The following CILK1 variants were observed in gnomAD, a reference collection of about 807,000 sequenced individuals.
CILK1 encodes serine/threonine-protein kinase ICK.
CILK1 carries 47 observed loss-of-function variants against 79.2 expected under a neutral mutation model. The ratio of observed to expected loss-of-function variants is 0.59; its 90% confidence interval spans 0.47 to 0.76. The LOEUF (loss-of-function observed/expected upper bound fraction) is 0.76. Among genes scored for constraint, CILK1 ranks in the 30% least tolerant of loss-of-function variants. The pLI, the probability that CILK1 is intolerant of heterozygous loss-of-function variation, is 0.00. For synonymous variants in CILK1, 266 were observed against 275.9 expected, an observed-to-expected ratio of 0.96 and a Z score of 0.36; for missense variants, 660 against 769.5, an observed-to-expected ratio of 0.86 and a Z score of 1.68.
rs1036299572 is a variant in CILK1 at position 53,003,887 on chromosome 6, A to G, written c.*1262T>C. 4 of 152,636 alleles carry G rather than the reference A, an allele frequency of 2.6e-5. No homozygotes were observed. The highest frequency in any genetic ancestry group is 6.5e-5 in the Admixed American group (1 of 15,288). 9.5% of individuals were successfully genotyped at this position (152,636 alleles called of 1,614,324 possible). A position where few individuals can be genotyped will look rare whatever the true frequency, so the allele number is the denominator to read the frequency against. The stretch of plus-strand genomic sequence containing the variant: ...CTTCCCTCTTGCCTTTAAGGCAACC[A>G]TAAGTGAGGCAAATGTACCATATAG... On this transcript the variant is annotated 3_prime_UTR_variant, in exon 14 of 14. Coordinates refer to ENST00000676107, the MANE Select transcript of CILK1 (RefSeq NM_014920.5).
intron 1 of CILK1, among the ~76,000 whole-genome samples, chr6:53,055,837 AG>A (rs1445059975): frequency 3.3e-5 from 5 of 152,244 alleles, no homozygotes; most frequent in Non-Finnish European, 7.3e-5. Context: ...TGGACTGTAA[AG>A]AACTGAAGTA....
intron 5 of CILK1, among the ~76,000 whole-genome samples, chr6:53,027,506 A>AC (rs1379020855): frequency 6.6e-6 from 1 of 152,074 alleles, no homozygotes; most frequent in Non-Finnish European, 1.5e-5. Flanking sequence ...AGAGAAGTCT[A>AC]CCCCCCAGAG....
intron 5 of CILK1, among the ~76,000 whole-genome samples, chr6:53,028,288 C>T (rs911546000): frequency 2.0e-5 from 3 of 152,186 alleles, no homozygotes; most frequent in African/African-American, 7.2e-5. Flanking sequence ...TGCACTCCAG[C>T]CTGGGTGACA....
intron 3 of CILK1, among the ~76,000 whole-genome samples, chr6:53,033,907 G>A (rs1397862020): frequency 6.6e-6 from 1 of 152,188 alleles, no homozygotes; most frequent in African/African-American, 2.4e-5. Context: ...AATAGTTCCT[G>A]CCAACATACT....
rs1765019494 is a variant in CILK1, at chr6:53,018,416, C to A, written c.577G>T (p.Val193Phe). 6.2e-7 allele frequency: 1 copy of A among 1,614,110 alleles called. No homozygotes were observed. Among genetic ancestry groups the A allele is most frequent in the African/African-American group, 1.3e-5 (1 of 74,992 alleles). The change falls in exon 7 of 14, where the codon GTT becomes TTT. Residue 193 changes from valine to phenylalanine, a missense_variant. By Grantham distance (50) the Val-to-Phe change is conservative. Coordinates refer to ENST00000676107, the MANE Select transcript of CILK1 (RefSeq NM_014920.5). ...VWAVGCIMAE[V>F]YTLRPLFPGA... ...GGGAAGAGTGGCCTGAGGGTGTAAA[C>A]TTCTGCCATGATGCAGCCCACCGCC...
rs913348228 is a variant in CILK1 at position 53,018,377 on chromosome 6, T to G, written c.616A>C (p.Ile206Leu). Residue 206 changes from isoleucine to leucine, a missense_variant, in exon 7 of 14, where the codon ATT (isoleucine) becomes CTT (leucine). Physicochemically the swap from Ile to Leu is conservative, Grantham distance 5 (BLOSUM62 2). Coordinates refer to ENST00000676107, the MANE Select transcript of CILK1 (RefSeq NM_014920.5). ...TGGCAAATTTTGAATATTGTGTCAA[T>G]TTCACTGGCTCCAGGGAAGAGTGGC... ...LRPLFPGASE[I>L]DTIFKICQVL... is the part of the protein sequence containing the mutation. 5.6e-6 allele frequency: 9 copies of G among 1,614,190 alleles called. No homozygotes were observed. In the South Asian group the frequency reaches 8.8e-5, roughly 16 times the overall value.
chr6:53,028,656 G>C (rs1765732858), intron 5 of CILK1, among the ~76,000 whole-genome samples: 2 of 152,248 alleles, frequency 1.3e-5, no homozygotes, highest in African/African-American at 4.8e-5. Context: ...AATGGCAATG[G>C]TGTTGAGGCT....
Position 53,032,791 on chromosome 6 carries a change from A to G in CILK1, c.157-137T>C, listed in dbSNP as rs1766056380. ...TCAGAAATGTGCTAAATTATATTTT[A>G]TTGACAGTTTAATAGTATACCTCTG... On this transcript the variant is annotated intron_variant, in intron 3 of 13. Transcript: ENST00000676107. 2.4e-5 allele frequency: 15 copies of G among 633,080 alleles called. No homozygotes were observed. The South Asian group carries it at 2.7e-4, about 11-fold the overall frequency. The allele number at this position is 633,080 out of a possible 1,614,324, so 39.2% of individuals were successfully genotyped here.
At chr6:53,008,579 C>T (rs1764377905) in intron 12 of CILK1, among the ~76,000 whole-genome samples, 1 of 152,024 alleles carries the variant, frequency 6.6e-6, no homozygotes, top group African/African-American at 2.4e-5. Flanking sequence ...CCTGCTGCCA[C>T]CATGCCTGGC....
chr6:53,041,015 G>C (rs1165942021), intron 2 of CILK1, 121 bp downstream of exon 2: 1 of 755,236 alleles, frequency 1.3e-6, no homozygotes, highest in Non-Finnish European at 2.4e-6. Context: ...CTAACCCACA[G>C]CAATCATTAT....
chr6:53,027,821 A>G (rs222457), intron 5 of CILK1, among the ~76,000 whole-genome samples: 106,473 of 151,902 alleles, frequency 0.7, 37,888 homozygotes, highest in East Asian at 0.87. Context: ...GCTGGCCAAC[A>G]TGGTGAAAAC....
intron 5 of CILK1, among the ~76,000 whole-genome samples, chr6:53,023,223 G>A (rs979169017): frequency 1.5e-4 from 23 of 152,032 alleles, no homozygotes; most frequent in Admixed American, 9.2e-4. Context: ...GTAAGCCACC[G>A]CACCTGGCTA....
chr6:53,015,104 T>C (rs1161628191), intron 8 of CILK1, among the ~76,000 whole-genome samples: 1 of 152,180 alleles, frequency 6.6e-6, no homozygotes. Context: ...CCAACTATCA[T>C]CTCCCCAGCT....
intron 5 of CILK1, among the ~76,000 whole-genome samples, chr6:53,026,741 C>A (rs1268875465): frequency 6.6e-6 from 1 of 152,092 alleles, no homozygotes; most frequent in East Asian, 1.9e-4. Flanking sequence ...CAATGGAAAC[C>A]CTTTTAGTTG....
chr6:53,023,468 G>A (rs996736935), intron 5 of CILK1, among the ~76,000 whole-genome samples: 1 of 152,190 alleles, frequency 6.6e-6, no homozygotes, highest in Non-Finnish European at 1.5e-5. Flanking sequence ...GGATGGGAGG[G>A]AGGAAACCCA....
Position 53,061,578 on chromosome 6 carries a change from T to C in CILK1, c.-173+18A>G, listed in dbSNP as rs1423706870. 1 of 152,268 alleles carries C rather than the reference T, an allele frequency of 6.6e-6. No individual in the cohort carries two copies. Among genetic ancestry groups the C allele is most frequent in the East Asian group, 1.9e-4 (1 of 5,166 alleles). The allele number at this position is 152,268 out of a possible 1,614,324, so 9.4% of individuals were successfully genotyped here. On this transcript the variant is annotated intron_variant, in intron 1 of 13. Coordinates refer to ENST00000676107, the MANE Select transcript of CILK1 (RefSeq NM_014920.5). Reference sequence around the variant, plus strand: ...AGGTCGCCCGGCAGAAGCCCCTAAATCCCGGAGCCCCACTTACTGGCGCCG... The same window carrying C: ...AGGTCGCCCGGCAGAAGCCCCTAAACCCCGGAGCCCCACTTACTGGCGCCG...
At chr6:53,019,819 G>A (rs1332887319) in intron 5 of CILK1, among the ~76,000 whole-genome samples, 2 of 148,528 alleles carry the variant, frequency 1.3e-5, no homozygotes, top group Non-Finnish European at 3.0e-5. Context: ...CATGGTGCCT[G>A]GCTAGTTTTT....
intron 1 of CILK1, among the ~76,000 whole-genome samples, chr6:53,059,693 G>A (rs1430882164): frequency 6.6e-6 from 1 of 152,182 alleles, no homozygotes; most frequent in Non-Finnish European, 1.5e-5. Flanking sequence ...TAGATAGGAA[G>A]GGAAAGGCTG....
chr6:53,037,970 C>T lies in CILK1; in HGVS notation c.125G>A (p.Trp42Ter). The T allele has an allele frequency of 6.3e-7, 1 of 1,594,498 alleles. No homozygotes were observed. Among genetic ancestry groups the T allele is most frequent in the Non-Finnish European group, 8.6e-7 (1 of 1,162,348 alleles). The change falls in exon 3 of 14, where the codon TGG (tryptophan) becomes TAG (stop). Residue 42 changes from tryptophan (W) to a stop codon, truncating the protein, a stop_gained. Transcript: ENST00000676107. LOFTEE classifies it high-confidence loss of function. ...IKKMKRKFYS[W>*]EECMNLREVK... The stretch of plus-strand genomic sequence containing the variant: ...CTCCCGAAGGTTCATGCATTCCTCC[C>T]AGGAATAAAATTTTCTTTTCATTCT...
Sources: gnomAD v4.1 joint callset for allele counts (sites outside exome capture counted in the v4.1 genomes callset) on GRCh38, gnomAD v4.1.1 for gene constraint, MANE v1.5 for transcripts, NCBI Gene and HGNC (gene_info 2026-07-23, HGNC 2026-07-21) for gene names.